ELAVL1: variants seen among roughly 807,000 people sequenced by gnomAD.
The protein encoded by ELAVL1 is ELAV-like protein 1.
In ELAVL1, 1 loss-of-function variant was observed where a neutral mutation model predicts 28.4. That is an observed-to-expected ratio of 0.04 (90% CI 0.01 to 0.17). The LOEUF (loss-of-function observed/expected upper bound fraction) is 0.17. Ranked by LOEUF, ELAVL1 falls within the 10% of genes least tolerant of loss-of-function variation. The pLI is 1.00. For synonymous variants in ELAVL1, 174 were observed against 183.5 expected (o/e 0.95, Z 0.42); for missense variants, 157 against 447.2 (o/e 0.35, Z 5.85).
intron 2 of ELAVL1, among the ~76,000 whole-genome samples, chr19:7,989,148 C>T (rs1473610794): frequency 1.3e-5 from 2 of 152,186 alleles, no homozygotes; most frequent in African/African-American, 2.4e-5. Context: ...GGGAGAAAGC[C>T]GTTGGCTGGG....
chr19:8,002,300 C>A (rs1017298874), intron 1 of ELAVL1: 5 of 390,436 alleles, frequency 1.3e-5, no homozygotes, highest in African/African-American at 8.4e-5. Flanking sequence ...TCTGGGCTCT[C>A]CTGTGCCCAC....
At chr19:7,983,910 G>GT (rs1362397248) in intron 2 of ELAVL1, among the ~76,000 whole-genome samples, 2 of 152,050 alleles carry the variant, frequency 1.3e-5, no homozygotes, top group Non-Finnish European at 2.9e-5. Flanking sequence ...GCAGCTCAGG[G>GT]TAGGGCCTAC....
At chr19:7,970,384 C>T (rs537204657) in intron 4 of ELAVL1, among the ~76,000 whole-genome samples, 44 of 152,214 alleles carry the variant, frequency 2.9e-4, no homozygotes, top group African/African-American at 9.9e-4. Flanking sequence ...CTCGACCTCT[C>T]GACCTCGTGA....
rs1404884500 is a variant in ELAVL1, at chr19:7,982,482, T to G, written c.173-1296A>C. ...ATCTCACCGACAGCAAGATTACAAATCCAGCAGAGAGCCTAACCCAGGTTT... is the reference window on the plus strand; with the variant it reads ...ATCTCACCGACAGCAAGATTACAAAGCCAGCAGAGAGCCTAACCCAGGTTT... On this transcript the variant is annotated intron_variant, in intron 2 of 5. Coordinates refer to ENST00000407627, the MANE Select transcript of ELAVL1 (RefSeq NM_001419.3). The surrounding 1 kb of genome is among the most constrained non-coding windows in gnomAD (Gnocchi z 4.3). Among the ~76,000 whole-genome samples, 1 of 152,182 alleles carries G rather than the reference T, an allele frequency of 6.6e-6. No homozygotes were observed. The highest frequency in any genetic ancestry group is 1.5e-5 in the Non-Finnish European group (1 of 68,026).
chr19:8,000,507 A>T (rs779230260), intron 1 of ELAVL1, among the ~76,000 whole-genome samples: 3 of 152,198 alleles, frequency 2.0e-5, no homozygotes, highest in African/African-American at 2.4e-5. Flanking sequence ...AGAACAGTCA[A>T]ATCTATCTTC....
intron 1 of ELAVL1, among the ~76,000 whole-genome samples, chr19:7,996,783 A>G (rs559245306): frequency 6.6e-6 from 1 of 152,310 alleles, no homozygotes; most frequent in Admixed American, 6.5e-5. Flanking sequence ...ACTGTACTCC[A>G]AACTGGGCGA....
chr19:7,974,156 G>A (rs1169031944), intron 3 of ELAVL1, among the ~76,000 whole-genome samples: 1 of 152,202 alleles, frequency 6.6e-6, no homozygotes, highest in Non-Finnish European at 1.5e-5. Flanking sequence ...AGCAACTGAG[G>A]GCCCGCAGCT....
chr19:7,975,535 T>G (rs1458394359), intron 3 of ELAVL1, among the ~76,000 whole-genome samples: 1 of 152,228 alleles, frequency 6.6e-6, no homozygotes, highest in African/African-American at 2.4e-5. Context: ...CCCCGGCCCC[T>G]CGGCCAGAAC....
At position 7,961,195 on chromosome 19, in the gene ELAVL1, C is replaced by A. The variant is rs1360528745; in HGVS notation, c.*2288G>T. 1 of 152,210 alleles carries A rather than the reference C, an allele frequency of 6.6e-6. No homozygotes were observed. The highest frequency in any genetic ancestry group is 6.5e-5 in the Admixed American group (1 of 15,278). 9.4% of individuals were successfully genotyped at this position (152,210 alleles called of 1,614,324 possible). On this transcript the variant is annotated 3_prime_UTR_variant, in exon 6 of 6. Coordinates refer to ENST00000407627, the MANE Select transcript of ELAVL1 (RefSeq NM_001419.3). ...GAAAGAAGCTGAGGTGCTACAAGCC[C>A]GTCATCATTTTCACAGTTGAAGCTT...
rs1447580647 is a variant in ELAVL1, at chr19:7,973,792, G to A, written c.363C>T (p.Asp121=). Residue 121 remains aspartate (D), a synonymous_variant, in exon 4 of 6, where the codon GAC becomes GAT. Transcript: ENST00000407627. ...SGLPRTMTQK[D]VEDMFSRFGR... ...CAAACCGAGAGAACATGTCTTCTACGTCCTTCTGGGTCATGGTCCGCGGGA... is the reference window on the plus strand; with the variant it reads ...CAAACCGAGAGAACATGTCTTCTACATCCTTCTGGGTCATGGTCCGCGGGA... 6 of 1,613,978 alleles carry A rather than the reference G, an allele frequency of 3.7e-6. No homozygotes were observed. In the East Asian group the frequency reaches 6.7e-5, roughly 18 times the overall value.
chr19:7,972,425 C>G lies in ELAVL1; in HGVS notation c.430+1300G>C, dbSNP rs187499740. The stretch of plus-strand genomic sequence containing the variant: ...CAAAGCCCAGAGCCCACATCCAGTG[C>G]CAAGACGGACTGGGAGGGCCAGCAA... On this transcript the variant is annotated intron_variant, in intron 4 of 5. Transcript: ENST00000407627. Among the ~76,000 whole-genome samples, 364 of 152,322 alleles carry G rather than the reference C, an allele frequency of 2.4e-3. 1 individual carries two copies. Among genetic ancestry groups the G allele is most frequent in the African/African-American group, 7.9e-3 (328 of 41,578 alleles).
chr19:7,996,322 C>T (rs1312470337), intron 1 of ELAVL1, among the ~76,000 whole-genome samples: 2 of 151,966 alleles, frequency 1.3e-5, no homozygotes, highest in African/African-American at 2.4e-5. Flanking sequence ...GCTGGGACTA[C>T]AGGCGCCCGC....
At position 7,961,378 on chromosome 19, in the gene ELAVL1, T is replaced by C. The variant is rs1984804695; in HGVS notation, c.*2105A>G. ...GCTCCCACCTTCCATCAGAAGGGTG[T>C]TGGCTCCCACCTTCCATCAGAAGGG... On this transcript the variant is annotated 3_prime_UTR_variant, in exon 6 of 6. Transcript: ENST00000407627. 6.6e-6 allele frequency: 1 copy of C among 151,386 alleles called. No individual in the cohort carries two copies. The highest frequency in any genetic ancestry group is 1.5e-5 in the Non-Finnish European group (1 of 67,638). 9.4% of individuals were successfully genotyped at this position (151,386 alleles called of 1,614,324 possible).
In ELAVL1 at chr19:8,000,310, T is replaced by A. The variant is rs147493658; in HGVS notation, c.-17+5185A>T. 7.2e-3 allele frequency among the ~76,000 whole-genome samples: 1,096 copies of A among 152,306 alleles called. 15 individuals are homozygous for A. Among genetic ancestry groups the A allele is most frequent in the Middle Eastern group, 0.044 (13 of 294 alleles). On this transcript the variant is annotated intron_variant, in intron 1 of 5. Transcript: ENST00000407627. ...AACAATCCTGGTTGTCTATGTGACA[T>A]CAGTGATGTTGTTCACATCCGTCGA...
chr19:7,984,475 C>T (rs1216399687), intron 2 of ELAVL1, among the ~76,000 whole-genome samples: 2 of 152,178 alleles, frequency 1.3e-5, no homozygotes, highest in African/African-American at 2.4e-5. Context: ...AGAGGTGGCC[C>T]GTGTGGCAAG....
At chr19:7,998,499 C>A (rs748577059) in intron 1 of ELAVL1, among the ~76,000 whole-genome samples, 1 of 152,176 alleles carries the variant, frequency 6.6e-6, no homozygotes, top group Non-Finnish European at 1.5e-5. Context: ...CCTTCACAAT[C>A]GGACCCAGGT....
rs943454904 is a variant in ELAVL1 at position 7,981,998 on chromosome 19, C to G, written c.173-812G>C. The stretch of plus-strand genomic sequence containing the variant: ...TGGGGCAGAAGAGTCCAGGGAGAGG[C>G]CAGGGGCTGAGAATCCCCAGCCCTG... On this transcript the variant is annotated intron_variant, in intron 2 of 5. Coordinates refer to ENST00000407627, the MANE Select transcript of ELAVL1 (RefSeq NM_001419.3). The surrounding 1 kb of genome is among the most constrained non-coding windows in gnomAD (Gnocchi z 4.2). Among the ~76,000 whole-genome samples the G allele has an allele frequency of 2.6e-5, 4 of 152,224 alleles. No individual in the cohort carries two copies. Among genetic ancestry groups the G allele is most frequent in the African/African-American group, 9.6e-5 (4 of 41,460 alleles).
intron 1 of ELAVL1, chr19:8,002,078 C>A: frequency 7.8e-7 from 1 of 1,289,364 alleles, no homozygotes; most frequent in Non-Finnish European, 1.0e-6. Flanking sequence ...AAGCCCTCTG[C>A]CCAGTGGACA....
intron 4 of ELAVL1, among the ~76,000 whole-genome samples, chr19:7,971,840 G>A (rs1985120905): frequency 6.6e-6 from 1 of 152,246 alleles, no homozygotes; most frequent in African/African-American, 2.4e-5. Flanking sequence ...CAGCCGGAAA[G>A]GAGGAGGAAG....
Sources: allele counts gnomAD v4.1 joint callset (sites outside exome capture counted in the v4.1 genomes callset), GRCh38; gene constraint gnomAD v4.1.1; non-coding constraint Gnocchi (gnomAD v3.1); transcripts MANE v1.5; gene names NCBI Gene and HGNC (gene_info 2026-07-23, HGNC 2026-07-21).